The following AGBL1 variants were observed in gnomAD, a reference collection of about 807,000 sequenced individuals.
AGBL1 encodes AGBL carboxypeptidase 1.
In AGBL1, 130 loss-of-function variants were observed where a neutral mutation model predicts 118.9. The observed-to-expected ratio is 1.09, with a 90% CI of 0.95 to 1.26. AGBL1 has a LOEUF of 1.26. Among genes scored for constraint, AGBL1 ranks in the 50% most tolerant of loss-of-function variants. AGBL1 has a pLI of 0.00. For missense variants in AGBL1, 1,584 were observed against 1,298.1 expected (o/e 1.22, Z -3.38); for synonymous variants, 555 against 478.9 (o/e 1.16, Z -2.08).
chr15:86,226,465 G>C (rs909737331), intron 6 of AGBL1, among the ~76,000 whole-genome samples: 4 of 152,296 alleles, frequency 2.6e-5, no homozygotes, highest in East Asian at 1.9e-4. Context: ...GCTGAGTAAG[G>C]CTGGCTTACT....
intron 21 of AGBL1, among the ~76,000 whole-genome samples, chr15:86,561,256 A>G (rs1475045505): frequency 6.6e-6 from 1 of 151,980 alleles, no homozygotes; most frequent in African/African-American, 2.4e-5. Context: ...GAATGGTATC[A>G]CCTAGGTTTT....
In AGBL1 at chr15:86,387,996, C is replaced by T. The variant is rs79957362; in HGVS notation, c.2375-9370C>T. Among the ~76,000 whole-genome samples the T allele has an allele frequency of 1.5e-3, 221 of 152,176 alleles. 5 individuals are homozygous for T. The East Asian group carries it at 0.034, about 24-fold the overall frequency. On this transcript the variant is annotated intron_variant, in intron 17 of 22. Coordinates refer to ENST00000614907, the MANE Select transcript of AGBL1 (RefSeq NM_001386094.1). ...GGGGCTACTTCCTGTCACTGGAAGG[C>T]GGGTAGGGCTGAAGAAGAACAATTT...
At chr15:86,988,150 C>T in intron 24 of AGBL1, 2 of 1,576,654 alleles carry the variant, frequency 1.3e-6, no homozygotes, top group African/African-American at 1.4e-5. Context: ...ATGAAATACC[C>T]TGCATGTGAC....
intron 5 of AGBL1, among the ~76,000 whole-genome samples, chr15:86,218,349 C>T (rs1016444600): frequency 1.3e-5 from 2 of 152,086 alleles, no homozygotes; most frequent in African/African-American, 4.8e-5. Flanking sequence ...AAGGGGACGT[C>T]TGGGGAGGGT....
Position 86,221,535 on chromosome 15 carries a change from A to G in AGBL1, c.489-3379A>G, listed in dbSNP as rs548795028. Among the ~76,000 whole-genome samples the G allele has an allele frequency of 1.2e-3, 182 of 152,326 alleles. 1 individual carries two copies. Among genetic ancestry groups the G allele is most frequent in the Middle Eastern group, 0.01 (3 of 294 alleles). On this transcript the variant is annotated intron_variant, in intron 5 of 22. Transcript: ENST00000614907. Reference sequence around the variant, plus strand: ...GGAGCAGACAAGTGGCAGAGCAGCAATGATGAGAGTGGACCAGCGCTGCAG... The same window carrying G: ...GGAGCAGACAAGTGGCAGAGCAGCAGTGATGAGAGTGGACCAGCGCTGCAG...
At chr15:86,882,156 A>C (rs1201135606) in intron 22 of AGBL1, among the ~76,000 whole-genome samples, 4 of 152,166 alleles carry the variant, frequency 2.6e-5, no homozygotes, top group Non-Finnish European at 5.9e-5. Flanking sequence ...ACGGCTACCT[A>C]GTTCTCGAGT....
chr15:86,639,638 G>A lies in AGBL1; in HGVS notation c.2995-34635G>A, dbSNP rs953825978. 3.3e-5 allele frequency among the ~76,000 whole-genome samples: 5 copies of A among 152,136 alleles called. No individual in the cohort carries two copies. In the South Asian group the frequency reaches 6.2e-4, roughly 19 times the overall value. ...TCCTACCTCCCCCATACAGCTTCCCGGGTCTCTTGTCCTTTCTTCCATCTC... is the reference window on the plus strand; with the variant it reads ...TCCTACCTCCCCCATACAGCTTCCCAGGTCTCTTGTCCTTTCTTCCATCTC... On this transcript the variant is annotated intron_variant, in intron 21 of 22. Transcript: ENST00000614907.
intron 22 of AGBL1, among the ~76,000 whole-genome samples, chr15:86,777,912 CGGG>C (rs2078281533): frequency 6.6e-6 from 1 of 152,052 alleles, no homozygotes; most frequent in South Asian, 2.1e-4. Context: ...AGCTAATTAT[CGGG>C]GGAAATTCAG....
intron 18 of AGBL1, among the ~76,000 whole-genome samples, chr15:86,474,652 G>A (rs1350430799): frequency 6.6e-6 from 1 of 152,194 alleles, no homozygotes; most frequent in Non-Finnish European, 1.5e-5. Context: ...TCTGGGGGCA[G>A]GGCATAGCCA....
intron 1 of AGBL1, among the ~76,000 whole-genome samples, chr15:86,100,202 T>C (rs188958641): frequency 2.2e-4 from 34 of 152,314 alleles, no homozygotes; most frequent in Admixed American, 2.0e-3. Context: ...GACCATGGCT[T>C]ATTCTTTTTA....
At chr15:86,478,075 C>T (rs975236037) in intron 18 of AGBL1, among the ~76,000 whole-genome samples, 7 of 152,042 alleles carry the variant, frequency 4.6e-5, no homozygotes, top group Non-Finnish European at 7.4e-5. Context: ...ACTGAAGGGA[C>T]GTATCTCAAA....
At chr15:86,618,756 AT>A (rs1369954233) in intron 21 of AGBL1, among the ~76,000 whole-genome samples, 5 of 152,124 alleles carry the variant, frequency 3.3e-5, no homozygotes, top group African/African-American at 1.2e-4. Flanking sequence ...TCATAGACTG[AT>A]CTACTGAAAT....
In AGBL1 at chr15:86,749,638, G is replaced by T. The variant is rs184865209; in HGVS notation, c.3158+75202G>T. Among the ~76,000 whole-genome samples the T allele has an allele frequency of 3.3e-5, 5 of 152,268 alleles. No individual in the cohort carries two copies. In the East Asian group the frequency reaches 9.7e-4, roughly 29 times the overall value. Reference sequence around the variant, plus strand: ...TTTTTGCCCATTCAGTTTGATATTGGCTGTGGGTTTGTCATAAATAGCTCT... The same window carrying T: ...TTTTTGCCCATTCAGTTTGATATTGTCTGTGGGTTTGTCATAAATAGCTCT... On this transcript the variant is annotated intron_variant, in intron 22 of 22. Transcript: ENST00000614907.
intron 22 of AGBL1, among the ~76,000 whole-genome samples, chr15:86,888,860 G>A (rs1259440606): frequency 6.6e-6 from 1 of 152,102 alleles, no homozygotes; most frequent in Non-Finnish European, 1.5e-5. Context: ...TTAAAAATGA[G>A]CACTTTTGGA....
chr15:86,459,764 G>T (rs2142083144), intron 18 of AGBL1, among the ~76,000 whole-genome samples: 1 of 152,080 alleles, frequency 6.6e-6, no homozygotes, highest in Middle Eastern at 3.4e-3. Flanking sequence ...GACTCCTAAG[G>T]GTATATTCTC....
intron 22 of AGBL1, among the ~76,000 whole-genome samples, chr15:86,721,440 A>C (rs2142721786): frequency 6.6e-6 from 1 of 152,300 alleles, no homozygotes; most frequent in Non-Finnish European, 1.5e-5. Flanking sequence ...CCTTTGACAA[A>C]ATTCAACAAC....
chr15:86,845,558 C>G (rs938441139), intron 22 of AGBL1, among the ~76,000 whole-genome samples: 2 of 151,976 alleles, frequency 1.3e-5, no homozygotes, highest in African/African-American at 4.8e-5. Context: ...TTACTTTATT[C>G]TTTTGATCTG....
At chr15:86,217,130 T>G (rs1438289945) in intron 5 of AGBL1, among the ~76,000 whole-genome samples, 1 of 152,232 alleles carries the variant, frequency 6.6e-6, no homozygotes, top group Non-Finnish European at 1.5e-5. Context: ...CCATGGCATT[T>G]ATCACATCTA....
intron 21 of AGBL1, among the ~76,000 whole-genome samples, chr15:86,588,491 G>T (rs1176112154): frequency 1.3e-5 from 2 of 152,220 alleles, no homozygotes; most frequent in African/African-American, 4.8e-5. Flanking sequence ...AGAAGTAGCT[G>T]CAGGGAGTGC....
Sources: allele counts gnomAD v4.1 joint callset (sites outside exome capture counted in the v4.1 genomes callset), GRCh38; gene constraint gnomAD v4.1.1; transcripts MANE v1.5; gene names NCBI Gene and HGNC (gene_info 2026-07-23, HGNC 2026-07-21).